Variants in JPH3 observed in about 807,000 individuals in gnomAD.
JPH3 encodes junctophilin-3.
In JPH3, 11 loss-of-function variants were observed where a neutral mutation model predicts 59.6. That is an observed-to-expected ratio of 0.18 (90% CI 0.12 to 0.31). JPH3 has a LOEUF of 0.31. Among genes scored for constraint, JPH3 ranks in the 10% least tolerant of loss-of-function variants. The pLI is 1.00. For missense variants in JPH3, 1,202 were observed against 1,105.7 expected, an observed-to-expected ratio of 1.09 and a Z score of -1.24; for synonymous variants, 673 against 483.6, an observed-to-expected ratio of 1.39 and a Z score of -5.14.
At chr16:87,683,931 T>C in intron 2 of JPH3, 1 of 573,274 alleles carries the variant, frequency 1.7e-6, no homozygotes, top group Non-Finnish European at 3.1e-6. Context: ...GCATGTCCTG[T>C]GCACTGGGCC....
At chr16:87,662,118 A>C (rs1469063833) in intron 2 of JPH3, among the ~76,000 whole-genome samples, 1 of 152,148 alleles carries the variant, frequency 6.6e-6, no homozygotes, top group Admixed American at 6.5e-5. Flanking sequence ...GTCATCCCTC[A>C]AGAGGGATCC....
In JPH3 at chr16:87,673,606, C is replaced by T. The variant is rs150244434; in HGVS notation, c.1161-10536C>T. Among the ~76,000 whole-genome samples, 206 of 152,200 alleles carry T rather than the reference C, an allele frequency of 1.4e-3. 2 individuals are homozygous for T. The highest frequency in any genetic ancestry group is 4.7e-3 in the African/African-American group (197 of 41,476). ...CAGCCTTCATGTCCATCAGCATGGG[C>T]GGACTTCATGTGTTCTGGAACGGTC... On this transcript the variant is annotated intron_variant, in intron 2 of 4. Transcript: ENST00000284262.
chr16:87,648,508 A>G (rs1369320839), intron 2 of JPH3, among the ~76,000 whole-genome samples: 3 of 152,100 alleles, frequency 2.0e-5, no homozygotes, highest in African/African-American at 7.2e-5. Flanking sequence ...GAAGTGAGAA[A>G]CGGTTTGCGG....
rs1310636478 is a variant in JPH3, at chr16:87,690,036, G to T, written c.1676G>T (p.Arg559Leu). 1.3e-6 allele frequency: 2 copies of T among 1,550,080 alleles called. No individual in the cohort carries two copies. Among genetic ancestry groups the T allele is most frequent in the Admixed American group, 1.9e-5 (1 of 51,798 alleles). ...CTGCTCGTGGATGACTTCCGCACCCGAGGTTCGGGCCGCAAGCAGCCCGGG... is the reference window on the plus strand; with the variant it reads ...CTGCTCGTGGATGACTTCCGCACCCTAGGTTCGGGCCGCAAGCAGCCCGGG... Reference protein sequence around the residue: ...GGLLVDDFRTRGSGRKQPGNP... With the variant: ...GGLLVDDFRTLGSGRKQPGNP... The change falls in exon 4 of 5, where the codon CGA becomes CTA. Residue 559 changes from arginine to leucine, a missense_variant. Coordinates refer to ENST00000284262, the MANE Select transcript of JPH3 (RefSeq NM_020655.4).
At chr16:87,660,824 T>C (rs1020060384) in intron 2 of JPH3, among the ~76,000 whole-genome samples, 1 of 152,188 alleles carries the variant, frequency 6.6e-6, no homozygotes, top group Non-Finnish European at 1.5e-5. Flanking sequence ...CACCCAGTTA[T>C]GGGAGTCCCA....
In JPH3 at chr16:87,684,175, C is replaced by T; in HGVS notation, c.1194C>T (p.Ala398=). 1 of 1,613,842 alleles carries T rather than the reference C, an allele frequency of 6.2e-7. No individual in the cohort carries two copies. The highest frequency in any genetic ancestry group is 1.1e-5 in the South Asian group (1 of 91,080). The change falls in exon 3 of 5, where the codon GCC becomes GCT. Residue 398 remains alanine, a synonymous_variant. Transcript: ENST00000284262. ...TSHSRAKAEA[A]LTAAQKAQEE... is the part of the protein sequence containing the mutation. ...ACTCTCGGGCAAAGGCCGAGGCAGC[C>T]CTCACAGCAGCTCAGAAAGCCCAGG...
chr16:87,644,474 C>G lies in JPH3; in HGVS notation c.599C>G (p.Ala200Gly), dbSNP rs764556322. 16 of 1,612,650 alleles carry G rather than the reference C, an allele frequency of 9.9e-6. No homozygotes were observed. The highest frequency in any genetic ancestry group is 1.4e-5 in the Non-Finnish European group (16 of 1,179,794). ...TCCCGCGGGGGCTTCGTGCTCGTGG[C>G]CCACAGTGACTCCGAGATCCTCAAG... ...AVSRGGFVLVAHSDSEILKSK... is the reference protein window; with the variant it reads ...AVSRGGFVLVGHSDSEILKSK... The change falls in exon 2 of 5, where the codon GCC (alanine) becomes GGC (glycine). Residue 200 changes from alanine to glycine, a missense_variant. Physicochemically the swap from Ala to Gly is moderately conservative, Grantham distance 60 (BLOSUM62 0). Transcript: ENST00000284262.
Position 87,689,963 on chromosome 16 carries a change from C to A in JPH3, c.1603C>A (p.Gln535Lys). ...CGCCCGCAGCAGCTGGGGCGAGGAG[C>A]AGGCCGGGGGCTCCAGGGGTGTCCG... is the stretch of plus-strand genomic sequence containing the variant. The part of the protein sequence containing the change: ...DCARSSWGEE[Q>K]AGGSRGVRSG... The change falls in exon 4 of 5, where the codon CAG becomes AAG. Residue 535 changes from glutamine (Q) to lysine (K), a missense_variant. By Grantham distance (53) the Gln-to-Lys change is moderately conservative. Transcript: ENST00000284262. The A allele has an allele frequency of 1.4e-6, 2 of 1,452,550 alleles. No homozygotes were observed. The highest frequency in any genetic ancestry group is 1.5e-5 in the South Asian group (1 of 68,694). 90.0% of individuals were successfully genotyped at this position (1,452,550 alleles called of 1,614,324 possible).
chr16:87,660,315 G>A (rs1260797942), intron 2 of JPH3, among the ~76,000 whole-genome samples: 1 of 152,186 alleles, frequency 6.6e-6, no homozygotes, highest in Non-Finnish European at 1.5e-5. Context: ...CAGGTGGACA[G>A]AGGGGGCTGC....
At chr16:87,621,993 C>G (rs959895647) in intron 1 of JPH3, among the ~76,000 whole-genome samples, 2 of 152,214 alleles carry the variant, frequency 1.3e-5, no homozygotes, top group Non-Finnish European at 2.9e-5. Flanking sequence ...TTCTATCTCA[C>G]TCTACTGTGA....
intron 2 of JPH3, among the ~76,000 whole-genome samples, chr16:87,674,909 T>C (rs969671062): frequency 4.6e-5 from 7 of 151,948 alleles, no homozygotes; most frequent in South Asian, 2.1e-4. Context: ...TACAGGCGCC[T>C]GCCACCATGC....
chr16:87,666,590 G>A (rs1473848258), intron 2 of JPH3, among the ~76,000 whole-genome samples: 1 of 152,028 alleles, frequency 6.6e-6, no homozygotes, highest in Non-Finnish European at 1.5e-5. Context: ...AGAGATAGGG[G>A]TCTCCCTATG....
intron 2 of JPH3, among the ~76,000 whole-genome samples, chr16:87,669,443 G>A (rs2032958713): frequency 6.6e-6 from 1 of 152,240 alleles, no homozygotes; most frequent in Admixed American, 6.5e-5. Context: ...ACACACGCCT[G>A]GGGTTCCGTC....
intron 2 of JPH3, among the ~76,000 whole-genome samples, chr16:87,669,758 C>T (rs895086358): frequency 6.6e-6 from 1 of 152,144 alleles, no homozygotes; most frequent in Non-Finnish European, 1.5e-5. Flanking sequence ...AAAAGAGGAA[C>T]GAAGGACAGG....
rs866267572 is a variant in JPH3, at chr16:87,642,868, G to A, written c.383-1390G>A. Among the ~76,000 whole-genome samples, 10 of 152,324 alleles carry A rather than the reference G, an allele frequency of 6.6e-5. No individual in the cohort carries two copies. The South Asian group carries it at 8.3e-4, about 13-fold the overall frequency. ...AGACATGGGCCCAGGTCTGCTGACCGGGTTTCCTTTTTATTTTATTGTGGT... is the reference window on the plus strand; with the variant it reads ...AGACATGGGCCCAGGTCTGCTGACCAGGTTTCCTTTTTATTTTATTGTGGT... On this transcript the variant is annotated intron_variant, in intron 1 of 4. Transcript: ENST00000284262.
chr16:87,660,894 C>T (rs914777978), intron 2 of JPH3, among the ~76,000 whole-genome samples: 1 of 152,230 alleles, frequency 6.6e-6, no homozygotes, highest in Non-Finnish European at 1.5e-5. Context: ...CTCCAAGACT[C>T]AGTTTTCTCA....
intron 3 of JPH3, among the ~76,000 whole-genome samples, chr16:87,686,544 A>AGAG (rs1273032936): frequency 2.2e-5 from 3 of 133,542 alleles, no homozygotes; most frequent in African/African-American, 8.7e-5. Flanking sequence ...TCCTGGAGTC[A>AGAG]GAGATGCTTC....
chr16:87,604,994 C>T (rs750376112), intron 1 of JPH3: 92 of 430,642 alleles, frequency 2.1e-4, no homozygotes, highest in East Asian at 8.1e-4. Context: ...TGTGTGTGTG[C>T]GCGCGCGTGC....
intron 2 of JPH3, among the ~76,000 whole-genome samples, chr16:87,670,149 C>T (rs534180512): frequency 1.3e-5 from 2 of 152,252 alleles, no homozygotes; most frequent in South Asian, 2.1e-4. Flanking sequence ...GAGGGTGAGG[C>T]GGGGTCTGCA....
Sources: allele counts gnomAD v4.1 joint callset (sites outside exome capture counted in the v4.1 genomes callset), GRCh38; gene constraint gnomAD v4.1.1; transcripts MANE v1.5; gene names NCBI Gene and HGNC (gene_info 2026-07-23, HGNC 2026-07-21).